Variants in KLRG1 observed in about 807,000 individuals in gnomAD.
KLRG1 encodes killer cell lectin like receptor G1.
Under a neutral mutation model 21.8 loss-of-function variants are expected in KLRG1, and 16 were observed. The ratio of observed to expected loss-of-function variants is 0.73; its 90% CI spans 0.50 to 1.11. KLRG1 has a LOEUF of 1.11. Among genes scored for constraint, KLRG1 ranks in the 50% most tolerant of loss-of-function variants. The pLI is 0.00. For missense variants in KLRG1, 173 were observed against 218.3 expected (o/e 0.79, Z 1.31); for synonymous variants, 69 against 75.9 (o/e 0.91, Z 0.47).
the KLRG1 span, among the ~76,000 whole-genome samples, chr12:9,144,280 G>T: frequency 2.0e-5 from 3 of 152,130 alleles, no homozygotes; most frequent in African/African-American, 7.2e-5. Flanking sequence ...GGTCAGAAGT[G>T]GTCAGGTCTC....
chr12:9,081,860 G>A, the KLRG1 span, among the ~76,000 whole-genome samples: 1 of 152,246 alleles, frequency 6.6e-6, no homozygotes, highest in Non-Finnish European at 1.5e-5. Context: ...TGACCAGCAT[G>A]TGGATTTTGG....
chr12:9,188,598 C>T, the KLRG1 span, among the ~76,000 whole-genome samples: 3 of 152,104 alleles, frequency 2.0e-5, no homozygotes, highest in Non-Finnish European at 2.9e-5. Context: ...TGTTTGCAGA[C>T]GACATGATTT....
the KLRG1 span, chr12:9,106,345 A>G: frequency 1.3e-6 from 2 of 1,595,738 alleles, no homozygotes; most frequent in African/African-American, 1.3e-5. Flanking sequence ...CAATTCCACC[A>G]CTGAAAAAAG....
the KLRG1 span, among the ~76,000 whole-genome samples, chr12:9,153,615 G>A: frequency 2.6e-5 from 4 of 152,100 alleles, no homozygotes; most frequent in Non-Finnish European, 4.4e-5. Flanking sequence ...CAAAGAATAG[G>A]TCTAAAACTA....
chr12:9,038,753 G>T, the KLRG1 span, among the ~76,000 whole-genome samples: 181 of 152,074 alleles, frequency 1.2e-3, no homozygotes, highest in South Asian at 9.2e-3. Flanking sequence ...ACAAAAATTA[G>T]CCGGGCGTGG....
chr12:9,139,810 G>T, the KLRG1 span, among the ~76,000 whole-genome samples: 4 of 151,658 alleles, frequency 2.6e-5, no homozygotes, highest in Admixed American at 2.6e-4. Context: ...TGAAAGACAG[G>T]TTTATTTTGG....
chr12:9,063,767 G>T, the KLRG1 span, among the ~76,000 whole-genome samples: 1 of 152,142 alleles, frequency 6.6e-6, no homozygotes, highest in African/African-American at 2.4e-5. Context: ...TTTACTCTGC[G>T]GTGAGTTTTT....
chr12:9,028,760 C>T, the KLRG1 span: 1 of 571,902 alleles, frequency 1.7e-6, no homozygotes. Flanking sequence ...TTCTTTAATG[C>T]CATCAACAAA....
chr12:8,974,316 C>T (rs761230576), intron 1 of KLRG1, among the ~76,000 whole-genome samples: 18 of 152,118 alleles, frequency 1.2e-4, no homozygotes, highest in African/African-American at 4.1e-4. Context: ...TACAAGCGTC[C>T]ACCACCACAC....
the KLRG1 span, chr12:9,169,628 T>G: frequency 6.6e-7 from 1 of 1,518,468 alleles, no homozygotes; most frequent in Non-Finnish European, 8.8e-7. Context: ...GAACTGTTAC[T>G]TACTTTTCTT....
chr12:9,126,461 G>A, the KLRG1 span, among the ~76,000 whole-genome samples: 3 of 152,286 alleles, frequency 2.0e-5, no homozygotes, highest in East Asian at 3.9e-4. Context: ...TAAACCAAGC[G>A]AGAGTCCTGG....
the KLRG1 span, among the ~76,000 whole-genome samples, chr12:9,171,793 G>C: frequency 1.3e-5 from 2 of 152,084 alleles, no homozygotes; most frequent in Non-Finnish European, 2.9e-5. Flanking sequence ...GAATAGAGAA[G>C]AAAGAATGAA....
chr12:9,072,680 C>T, the KLRG1 span: 1 of 1,614,162 alleles, frequency 6.2e-7, no homozygotes, highest in Non-Finnish European at 8.5e-7. Context: ...CTTCTCCTGT[C>T]ACTTTCATGC....
In KLRG1 at chr12:9,009,606, C is replaced by T. The variant is rs1947585655; in HGVS notation, c.*69C>T. ...CTAAAAGGAGGGAGCTGGCCACTGG[C>T]TGTTGGGAAAGCCATGAGTATATAG... On this transcript the variant is annotated 3_prime_UTR_variant, in exon 5 of 5. Transcript: ENST00000356986. 5.7e-6 allele frequency: 9 copies of T among 1,580,178 alleles called. No individual in the cohort carries two copies. The highest frequency in any genetic ancestry group is 7.7e-6 in the Non-Finnish European group (9 of 1,164,164).
chr12:9,151,529 C>T, the KLRG1 span: 63 of 1,224,824 alleles, frequency 5.1e-5, no homozygotes, highest in African/African-American at 6.2e-4. Context: ...CTCATGTTAC[C>T]GACTATTCTA....
intron 3 of KLRG1, among the ~76,000 whole-genome samples, chr12:9,000,244 G>A (rs1477098799): frequency 6.6e-6 from 1 of 152,124 alleles, no homozygotes; most frequent in Admixed American, 6.6e-5. Context: ...AGCATAGATG[G>A]TAGGGGAATT....
chr12:9,047,590 T>C, the KLRG1 span, among the ~76,000 whole-genome samples: 1 of 152,184 alleles, frequency 6.6e-6, no homozygotes, highest in Non-Finnish European at 1.5e-5. Context: ...ATAGTCTAAA[T>C]ACATCAATTT....
At chr12:9,088,749 T>A in the KLRG1 span, among the ~76,000 whole-genome samples, 2 of 152,182 alleles carry the variant, frequency 1.3e-5, no homozygotes, top group Admixed American at 1.3e-4. Context: ...GATATTAATA[T>A]GACAATAATG....
At chr12:9,196,398 T>G in the KLRG1 span, 2 of 1,613,864 alleles carry the variant, frequency 1.2e-6, no homozygotes, top group Non-Finnish European at 1.7e-6. Context: ...TTGGATACAA[T>G]GTTTGTGATT....
Sources: allele counts gnomAD v4.1 joint callset (sites outside exome capture counted in the v4.1 genomes callset), GRCh38; gene constraint gnomAD v4.1.1; transcripts MANE v1.5; gene names NCBI Gene and HGNC (gene_info 2026-07-23, HGNC 2026-07-21).